The following CADPS2 variants were observed in gnomAD, a reference collection of about 807,000 sequenced individuals.
The protein encoded by CADPS2 is calcium dependent secretion activator 2, also known as calcium-dependent secretion activator 2.
A neutral mutation model predicts 172.5 loss-of-function variants in CADPS2; 93 were observed. The observed-to-expected ratio is 0.54, with a 90% CI of 0.46 to 0.64. CADPS2 has a LOEUF of 0.64. Among genes scored for constraint, CADPS2 ranks in the 30% least tolerant of loss-of-function variants. The probability of loss-of-function intolerance (pLI) is 0.00; values close to 1 mark genes in which losing one functional copy is unlikely to be tolerated. For missense variants in CADPS2, 1,420 were observed against 1,565.9 expected, an observed-to-expected ratio of 0.91 and a Z score of 1.57; for synonymous variants, 546 against 555.2, an observed-to-expected ratio of 0.98 and a Z score of 0.23.
At chr7:122,436,386 A>C in intron 17 of CADPS2, 1 of 1,276,380 alleles carries the variant, frequency 7.8e-7, no homozygotes. Flanking sequence ...TGGGCCTAAA[A>C]CATAAGAAAA....
chr7:122,629,113 G>A lies in CADPS2; in HGVS notation c.867+135C>T, dbSNP rs2076337700. ...GCTTTCAGATATTTGGGATTAAGAG[G>A]TCTATGTGTAGAGGAGAAAATGTTA... On this transcript the variant is annotated intron_variant, in intron 4 of 29. Transcript: ENST00000449022. 9.0e-6 allele frequency: 5 copies of A among 553,776 alleles called. No individual in the cohort carries two copies. The East Asian group carries it at 1.2e-4, about 14-fold the overall frequency. The allele number at this position is 553,776 out of a possible 1,614,324, so 34.3% of individuals were successfully genotyped here.
At chr7:122,762,047 C>A (rs1032699892) in intron 1 of CADPS2, among the ~76,000 whole-genome samples, 1 of 145,468 alleles carries the variant, frequency 6.9e-6, no homozygotes, top group East Asian at 2.0e-4. Context: ...CACACACACA[C>A]ACACACACAC....
intron 2 of CADPS2, among the ~76,000 whole-genome samples, chr7:122,711,244 T>C (rs1423379506): frequency 1.3e-5 from 2 of 152,270 alleles, no homozygotes; most frequent in East Asian, 1.9e-4. Flanking sequence ...TGGAATAATA[T>C]GCAGCCATAA....
At chr7:122,681,339 G>C (rs978017949) in intron 2 of CADPS2, 22 of 1,398,888 alleles carry the variant, frequency 1.6e-5, no homozygotes, top group Non-Finnish European at 2.1e-5. Flanking sequence ...AAGGAACAAT[G>C]GTCGTGCCAA....
intron 1 of CADPS2, among the ~76,000 whole-genome samples, chr7:122,827,217 G>A (rs894085309): frequency 1.3e-5 from 2 of 152,206 alleles, no homozygotes; most frequent in South Asian, 4.1e-4. Flanking sequence ...ATCTTCTGCA[G>A]ATCACTCAAT....
intron 28 of CADPS2, among the ~76,000 whole-genome samples, chr7:122,342,094 T>TA (rs1176475725): frequency 3.3e-5 from 5 of 152,170 alleles, no homozygotes; most frequent in East Asian, 1.9e-4. Flanking sequence ...AGATTTGATG[T>TA]AAAAAAATTA....
At position 122,339,248 on chromosome 7, in the gene CADPS2, T is replaced by C. The variant is rs150351969; in HGVS notation, c.3612+6326A>G. On this transcript the variant is annotated intron_variant, in intron 28 of 29. Coordinates refer to ENST00000449022, the MANE Select transcript of CADPS2 (RefSeq NM_017954.11). The stretch of plus-strand genomic sequence containing the variant: ...CTCTAAATACATACAAAGAAGTGTA[T>C]TGTGAAAGTTCTATTTAATGGTCAC... 3.2e-3 allele frequency among the ~76,000 whole-genome samples: 489 copies of C among 152,296 alleles called. 2 individuals are homozygous for C. The highest frequency in any genetic ancestry group is 0.011 in the African/African-American group (462 of 41,564).
chr7:122,696,328 C>T (rs978554625), intron 2 of CADPS2, among the ~76,000 whole-genome samples: 2 of 152,160 alleles, frequency 1.3e-5, no homozygotes, highest in African/African-American at 4.8e-5. Flanking sequence ...TAGTCCAGTG[C>T]TATGCAGTTC....
intron 28 of CADPS2, among the ~76,000 whole-genome samples, chr7:122,341,309 A>C (rs2036751871): frequency 6.6e-6 from 1 of 152,220 alleles, no homozygotes; most frequent in Admixed American, 6.5e-5. Context: ...CTTAGAAATT[A>C]CTATACTGAA....
chr7:122,364,454 C>T (rs2040590479), intron 25 of CADPS2, among the ~76,000 whole-genome samples: 1 of 146,592 alleles, frequency 6.8e-6, no homozygotes, highest in Non-Finnish European at 1.5e-5. Context: ...TGGCCAGGTG[C>T]CGTGGCTCAC....
intron 12 of CADPS2, among the ~76,000 whole-genome samples, chr7:122,475,007 A>C (rs2056462018): frequency 6.6e-6 from 1 of 152,166 alleles, no homozygotes; most frequent in Non-Finnish European, 1.5e-5. Context: ...TTAATGTAAA[A>C]ATGGCAATGA....
chr7:122,511,494 A>T (rs1020833879), intron 9 of CADPS2, among the ~76,000 whole-genome samples: 2 of 151,582 alleles, frequency 1.3e-5, no homozygotes, highest in Non-Finnish European at 2.9e-5. Context: ...ACAATCAAAT[A>T]AAAAAAAACC....
chr7:122,462,498 T>C (rs1235467649), intron 14 of CADPS2, among the ~76,000 whole-genome samples: 3 of 152,220 alleles, frequency 2.0e-5, no homozygotes, highest in African/African-American at 7.2e-5. Flanking sequence ...TTTATTAACA[T>C]GTGATTTACT....
chr7:122,624,465 T>C (rs1034578327), intron 4 of CADPS2, among the ~76,000 whole-genome samples: 1 of 152,206 alleles, frequency 6.6e-6, no homozygotes, highest in African/African-American at 2.4e-5. Flanking sequence ...CACAGGATTG[T>C]TTCTCTAAGC....
intron 2 of CADPS2, among the ~76,000 whole-genome samples, chr7:122,679,410 C>CG (rs1239262467): frequency 2.1e-4 from 32 of 152,132 alleles, no homozygotes; most frequent in African/African-American, 7.5e-4. Context: ...CTAGTCAGAC[C>CG]GGTTCTCTGC....
chr7:122,694,600 G>T (rs945174269), intron 2 of CADPS2, among the ~76,000 whole-genome samples: 1 of 152,018 alleles, frequency 6.6e-6, no homozygotes, highest in Non-Finnish European at 1.5e-5. Flanking sequence ...AACAAATTGT[G>T]GTAGAATAAC....
At chr7:122,677,056 C>T (rs73220280) in intron 2 of CADPS2, among the ~76,000 whole-genome samples, 6,341 of 152,242 alleles carry the variant, frequency 0.042, 178 homozygotes, top group Non-Finnish European at 0.068. Flanking sequence ...ATAGCTTAAC[C>T]ATTTGTTCAA....
intron 1 of CADPS2, among the ~76,000 whole-genome samples, chr7:122,752,341 A>G (rs780470609): frequency 2.4e-4 from 37 of 152,310 alleles, no homozygotes; most frequent in Non-Finnish European, 4.4e-4. Flanking sequence ...TAAACAAAAC[A>G]TTCTCATACT....
intron 17 of CADPS2, among the ~76,000 whole-genome samples, chr7:122,418,006 C>T (rs2048125469): frequency 6.6e-6 from 1 of 152,004 alleles, no homozygotes; most frequent in African/African-American, 2.4e-5. Flanking sequence ...CCCATCTCTA[C>T]TAAAAATACA....
Sources: allele counts gnomAD v4.1 joint callset (sites outside exome capture counted in the v4.1 genomes callset), GRCh38; gene constraint gnomAD v4.1.1; transcripts MANE v1.5; gene names NCBI Gene and HGNC (gene_info 2026-07-23, HGNC 2026-07-21).